The following NAMPT variants were observed in gnomAD, a reference collection of about 807,000 sequenced individuals.
NAMPT encodes the protein NAmPRTase.
In NAMPT, 7 loss-of-function variants were observed where a neutral mutation model predicts 58.7. The observed-to-expected ratio is 0.12, with a 90% CI of 0.07 to 0.22. The LOEUF (loss-of-function observed/expected upper bound fraction) is 0.22, where lower values mean the gene tolerates loss of function less well. Among genes scored for constraint, NAMPT ranks in the 10% least tolerant of loss-of-function variants. The pLI, the probability that NAMPT is intolerant of heterozygous loss-of-function variation, is 1.00. For synonymous variants in NAMPT, 145 were observed against 198.1 expected, an observed-to-expected ratio of 0.73 and a Z score of 2.25; for missense variants, 271 against 567.9, an observed-to-expected ratio of 0.48 and a Z score of 5.31.
chr7:106,283,501 C>G (rs6963243), intron 1 of NAMPT, among the ~76,000 whole-genome samples: 120,419 of 152,074 alleles, frequency 0.79, 47,902 homozygotes, highest in East Asian at 1. Context: ...ACAAAACTAT[C>G]AATGAGGCTA....
chr7:106,279,037 ACT>A (rs1277872480), intron 1 of NAMPT, among the ~76,000 whole-genome samples: 2 of 152,110 alleles, frequency 1.3e-5, no homozygotes, highest in Non-Finnish European at 1.5e-5. Flanking sequence ...AAGCTATTTA[ACT>A]CTGTATCTTG....
chr7:106,264,883 G>T (rs913847957), intron 6 of NAMPT, among the ~76,000 whole-genome samples: 28 of 145,524 alleles, frequency 1.9e-4, no homozygotes, highest in African/African-American at 6.8e-4. Context: ...GTGTGTGTGT[G>T]TTTTTTTTTT....
At chr7:106,284,743 A>AGCCCCAGCC in intron 1 of NAMPT, 85 bp downstream of exon 1, 5 of 57,224 alleles carry the variant, frequency 8.7e-5, no homozygotes, top group Non-Finnish European at 1.4e-4. Flanking sequence ...CCCCAACCCC[A>AGCCCCAGCC]GCCCCAGCCG....
chr7:106,255,020 A>G (rs775835491), intron 8 of NAMPT, among the ~76,000 whole-genome samples: 2 of 152,194 alleles, frequency 1.3e-5, no homozygotes, highest in Non-Finnish European at 2.9e-5. Flanking sequence ...CTTCTCCTAT[A>G]TAACAGTTGG....
intron 4 of NAMPT, chr7:106,271,847 C>T (rs780501042): frequency 1.3e-5 from 2 of 155,904 alleles, no homozygotes; most frequent in South Asian, 1.8e-4. Flanking sequence ...TAGTAACTTT[C>T]GAGGGTATTT....
At chr7:106,285,254 C>A, upstream of NAMPT, 1 of 884,324 alleles carries the variant, frequency 1.1e-6, no homozygotes, top group Non-Finnish European at 1.4e-6. Context: ...CTCTTCCTCC[C>A]AGACGCCAGC....
In NAMPT at chr7:106,272,652, C is replaced by G; in HGVS notation, c.325G>C (p.Asp109His). 6.2e-7 allele frequency: 1 copy of G among 1,612,894 alleles called. No individual in the cohort carries two copies. The highest frequency in any genetic ancestry group is 1.1e-5 in the South Asian group (1 of 91,020). Residue 109 changes from aspartate (D) to histidine (H), a missense_variant, in exon 4 of 11, where the codon GAT becomes CAT. Around this residue, in one of 4 missense-constraint regions of NAMPT, gnomAD observed 103 missense variants for 194.2 expected, o/e 0.53. Transcript: ENST00000222553. The part of the protein sequence containing the change: ...KGWNYILEKY[D>H]GHLPIEIKAV... ...TTTATTTCTATTGGAAGATGCCCATCATACTTCTGGCAGGATAAAATGATA... is the reference window on the plus strand; with the variant it reads ...TTTATTTCTATTGGAAGATGCCCATGATACTTCTGGCAGGATAAAATGATA...
At chr7:106,285,293 C>A, upstream of NAMPT, 1 of 693,638 alleles carries the variant, frequency 1.4e-6, no homozygotes. Context: ...GCGGGGCAGC[C>A]CCGGCGCGTG....
chr7:106,268,458 T>C lies in NAMPT; in HGVS notation c.743+6A>G. The stretch of plus-strand genomic sequence containing the variant: ...GTAGTTTTAAAAAATGAACAGAATT[T>C]TTTACCTGTGTTCTGCTGCTGGAAC... On this transcript the variant is annotated splice_donor_region_variant and intron_variant, in intron 6 of 10. Transcript: ENST00000222553. The C allele has an allele frequency of 6.3e-7, 1 of 1,591,678 alleles. No individual in the cohort carries two copies. Among genetic ancestry groups the C allele is most frequent in the South Asian group, 1.1e-5 (1 of 87,032 alleles).
chr7:106,274,951 G>T lies in NAMPT; in HGVS notation c.313C>A (p.Leu105Ile). The T allele has an allele frequency of 1.3e-6, 2 of 1,590,908 alleles. 1 individual carries two copies. The highest frequency in any genetic ancestry group is 2.7e-5 in the African/African-American group (2 of 74,352). ...AAGATGAAACCATCTTTTACCTCAA[G>T]AATGTAGTTCCATCCCTTTTCATTA... ...VFNEKGWNYI[L>I]EKYDGHLPIE... Residue 105 changes from leucine (L) to isoleucine (I), a missense_variant, in exon 3 of 11, where the codon CTT (leucine) becomes ATT (isoleucine). By Grantham distance (5) the Leu-to-Ile change is conservative. Transcript: ENST00000222553.
chr7:106,270,201 A>T (rs568843258), intron 4 of NAMPT: 6 of 324,324 alleles, frequency 1.8e-5, no homozygotes, highest in Non-Finnish European at 4.0e-5. Context: ...CGTAATAATT[A>T]TCATGGCTTA....
intron 1 of NAMPT, among the ~76,000 whole-genome samples, chr7:106,281,129 C>G (rs1792755884): frequency 6.6e-6 from 1 of 150,834 alleles, no homozygotes; most frequent in African/African-American, 2.4e-5. Context: ...TGATGGACAG[C>G]TGTTTCCATT....
chr7:106,275,070 T>C, intron 2 of NAMPT, 21 bp from the exon 3 acceptor site: 2 of 1,452,056 alleles, frequency 1.4e-6, no homozygotes, highest in Non-Finnish European at 1.9e-6. Flanking sequence ...ATACATGTCC[T>C]GTTTACATTT....
At chr7:106,251,630 G>A (rs1417541855) in intron 10 of NAMPT, among the ~76,000 whole-genome samples, 1 of 151,980 alleles carries the variant, frequency 6.6e-6, no homozygotes, top group Non-Finnish European at 1.5e-5. Context: ...TCAAATGGAA[G>A]TTTAAGAAAT....
intron 6 of NAMPT, among the ~76,000 whole-genome samples, chr7:106,267,876 A>AAAAAAAAAAAAAAAAAAAC (rs1189395299): frequency 7.7e-6 from 1 of 130,396 alleles, no homozygotes; most frequent in Non-Finnish European, 1.7e-5. Context: ...AAAAAAAAAA[A>AAAAAAAAAAAAAAAAAAAC]CAACCTGATT....
chr7:106,269,399 A>C, intron 4 of NAMPT, 87 bp from the exon 5 acceptor site: 1 of 1,182,216 alleles, frequency 8.5e-7, no homozygotes, highest in Non-Finnish European at 1.2e-6. Flanking sequence ...TTTTTTTTGG[A>C]GGTATGTCCT....
At chr7:106,268,213 TAAAAG>T (rs1279073769) in intron 6 of NAMPT, 1 of 286,346 alleles carries the variant, frequency 3.5e-6, no homozygotes, top group Non-Finnish European at 6.5e-6. Context: ...AAAAATTCCT[TAAAAG>T]AAAACTTCTA....
At chr7:106,253,454 C>G (rs1792137942) in intron 9 of NAMPT, 1 of 269,226 alleles carries the variant, frequency 3.7e-6, no homozygotes, top group Non-Finnish European at 7.2e-6. Context: ...TAAGGTATCT[C>G]TTTATATTAC....
intron 3 of NAMPT, among the ~76,000 whole-genome samples, chr7:106,273,071 T>A (rs903447428): frequency 6.6e-6 from 1 of 152,176 alleles, no homozygotes; most frequent in Non-Finnish European, 1.5e-5. Context: ...AAATAAAGGC[T>A]GCAGATTGAA....
Sources: allele counts gnomAD v4.1 joint callset (sites outside exome capture counted in the v4.1 genomes callset), GRCh38; gene constraint gnomAD v4.1.1; regional missense constraint gnomAD v4.1.1; transcripts MANE v1.5; gene names NCBI Gene and HGNC (gene_info 2026-07-23, HGNC 2026-07-21).